Variants in GAS7 observed in about 807,000 individuals in gnomAD.
GAS7 encodes the protein growth arrest specific 7.
A neutral mutation model predicts 71.1 loss-of-function variants in GAS7; 28 were observed. The ratio of observed to expected loss-of-function variants is 0.39; its 90% CI spans 0.29 to 0.54. GAS7 has a LOEUF of 0.54. GAS7 is among the 20% of genes least tolerant of loss of function. GAS7 has a pLI of 0.62. For missense variants in GAS7, 436 were observed against 627.8 expected (o/e 0.69, Z 3.27); for synonymous variants, 258 against 245.8 (o/e 1.05, Z -0.46).
At chr17:10,027,801 C>T (rs1427665317) in intron 1 of GAS7, among the ~76,000 whole-genome samples, 1 of 152,190 alleles carries the variant, frequency 6.6e-6, no homozygotes, top group African/African-American at 2.4e-5. Context: ...AGGAGGTTTG[C>T]TTGAGGCCAG....
At chr17:10,187,506 C>A (rs552027702) in intron 1 of GAS7, among the ~76,000 whole-genome samples, 4 of 152,184 alleles carry the variant, frequency 2.6e-5, no homozygotes, top group Non-Finnish European at 5.9e-5. Flanking sequence ...CTCAGTTACT[C>A]GCTTTGCTCA....
intron 2 of GAS7, among the ~76,000 whole-genome samples, chr17:9,992,864 T>C (rs1176776512): frequency 1.3e-5 from 2 of 151,590 alleles, no homozygotes; most frequent in African/African-American, 4.9e-5. Context: ...GTTTGGTTTT[T>C]TGTCCTTGCG....
chr17:9,940,856 T>C (rs1180927113), intron 7 of GAS7, among the ~76,000 whole-genome samples: 1 of 152,230 alleles, frequency 6.6e-6, no homozygotes, highest in Non-Finnish European at 1.5e-5. Flanking sequence ...CTGTATTATC[T>C]GGCACGTCCA....
At chr17:10,003,903 A>G (rs1001343291) in intron 2 of GAS7, among the ~76,000 whole-genome samples, 19 of 151,980 alleles carry the variant, frequency 1.3e-4, no homozygotes, top group African/African-American at 4.6e-4. Flanking sequence ...TTGGAATCCA[A>G]CTCAGAATGA....
chr17:9,991,670 AG>A (rs5819259), intron 2 of GAS7, among the ~76,000 whole-genome samples: 1,569 of 152,250 alleles, frequency 0.01, 27 homozygotes, highest in African/African-American at 0.036. Context: ...CTGATCTACC[AG>A]CCTCCTTACA....
chr17:9,919,494 A>T lies in GAS7; in HGVS notation c.1218+132T>A. On this transcript the variant is annotated intron_variant, in intron 12 of 13. Transcript: ENST00000432992. This position sits in a 1 kb window ranked among gnomAD's most constrained non-coding sequence, Gnocchi z 5.0. ...TGGCTCACATTGAGGTTTCGACCCCAACACTGAAGTAGATTTGATGACCAT... is the reference window on the plus strand; with the variant it reads ...TGGCTCACATTGAGGTTTCGACCCCTACACTGAAGTAGATTTGATGACCAT... The T allele has an allele frequency of 1.3e-6, 1 of 755,672 alleles. No homozygotes were observed. The allele number at this position is 755,672 out of a possible 1,614,324, so 46.8% of individuals were successfully genotyped here.
intron 1 of GAS7, among the ~76,000 whole-genome samples, chr17:10,078,506 T>C (rs1049023936): frequency 6.6e-6 from 1 of 152,220 alleles, no homozygotes; most frequent in Non-Finnish European, 1.5e-5. Context: ...CTTGTTGTTG[T>C]TCCACCAAAG....
At chr17:10,155,066 G>C (rs2074195125) in intron 1 of GAS7, among the ~76,000 whole-genome samples, 1 of 151,614 alleles carries the variant, frequency 6.6e-6, no homozygotes, top group Admixed American at 6.6e-5. Context: ...CCAGTCTGGA[G>C]TGCAGTGGCA....
In GAS7 at chr17:10,066,432, G is replaced by A. The variant is rs928273390; in HGVS notation, c.184-46535C>T. ...CGACCTCAGGTGATCCGCCCGCCTC[G>A]GCCTTTCAAAGAGCTGGGATTACAG... On this transcript the variant is annotated intron_variant, in intron 1 of 13. Coordinates refer to ENST00000432992, the MANE Select transcript of GAS7 (RefSeq NM_201433.2). 7.2e-5 allele frequency among the ~76,000 whole-genome samples: 11 copies of A among 152,122 alleles called. No homozygotes were observed. The East Asian group carries it at 7.7e-4, about 11-fold the overall frequency.
rs1029754517 is a variant in GAS7 at position 9,926,580 on chromosome 17, C to G, written c.1014+61G>C. On this transcript the variant is annotated intron_variant, in intron 10 of 13. Transcript: ENST00000432992. The surrounding 1 kb of genome is among the most constrained non-coding windows in gnomAD (Gnocchi z 5.0). ...ATGGAGCCACTGCTGGCTTCCCAGT[C>G]CCCCTTCTTCCAGGCAGTCCCCCAT... 6.4e-7 allele frequency: 1 copy of G among 1,573,018 alleles called. No homozygotes were observed. The highest frequency in any genetic ancestry group is 8.7e-7 in the Non-Finnish European group (1 of 1,150,456).
chr17:10,165,719 G>T (rs1359853810), intron 1 of GAS7, among the ~76,000 whole-genome samples: 1 of 152,156 alleles, frequency 6.6e-6, no homozygotes, highest in Non-Finnish European at 1.5e-5. Context: ...CCTATATAGA[G>T]GCTCCCCTAC....
intron 1 of GAS7, among the ~76,000 whole-genome samples, chr17:10,190,515 G>C (rs1429032661): frequency 6.6e-6 from 1 of 151,750 alleles, no homozygotes; most frequent in Non-Finnish European, 1.5e-5. Context: ...AGGAGGTGGA[G>C]GTTGCAGTGA....
At chr17:10,096,288 C>T (rs968106453) in intron 1 of GAS7, among the ~76,000 whole-genome samples, 2 of 152,158 alleles carry the variant, frequency 1.3e-5, no homozygotes, top group Non-Finnish European at 2.9e-5. Context: ...TATCAAATTC[C>T]CTACAGTCAA....
chr17:10,040,433 G>A (rs1220072355), intron 1 of GAS7, among the ~76,000 whole-genome samples: 1 of 152,190 alleles, frequency 6.6e-6, no homozygotes, highest in Non-Finnish European at 1.5e-5. Flanking sequence ...CTATAAAGGA[G>A]AAGAAACCAT....
intron 1 of GAS7, among the ~76,000 whole-genome samples, chr17:10,168,080 T>C (rs1004376412): frequency 2.6e-5 from 4 of 152,198 alleles, no homozygotes; most frequent in African/African-American, 7.2e-5. Context: ...TCCAAGCAGC[T>C]GGGATTACAG....
At chr17:9,997,700 G>A (rs532699683) in intron 2 of GAS7, among the ~76,000 whole-genome samples, 2 of 152,308 alleles carry the variant, frequency 1.3e-5, no homozygotes, top group South Asian at 4.1e-4. Context: ...CAAGCAGCAG[G>A]TTGTCACCTA....
At chr17:10,029,860 A>C (rs1021000503) in intron 1 of GAS7, among the ~76,000 whole-genome samples, 3 of 151,832 alleles carry the variant, frequency 2.0e-5, no homozygotes, top group Non-Finnish European at 2.9e-5. Context: ...TCAAAAAAAA[A>C]ACAATAATAA....
chr17:10,049,451 T>C (rs563009939), intron 1 of GAS7, among the ~76,000 whole-genome samples: 54 of 152,212 alleles, frequency 3.5e-4, no homozygotes, highest in African/African-American at 1.3e-3. Context: ...AATGAAGTAC[T>C]AAAGAAAGAC....
At chr17:9,934,880 C>A (rs780699225) in intron 8 of GAS7, among the ~76,000 whole-genome samples, 1 of 152,156 alleles carries the variant, frequency 6.6e-6, no homozygotes, top group Non-Finnish European at 1.5e-5. Context: ...GGATTACAGG[C>A]GTGTGCCACC....
Sources: gnomAD v4.1 joint callset for allele counts (sites outside exome capture counted in the v4.1 genomes callset) on GRCh38, gnomAD v4.1.1 for gene constraint, Gnocchi (gnomAD v3.1) non-coding constraint, MANE v1.5 for transcripts, NCBI Gene and HGNC (gene_info 2026-07-23, HGNC 2026-07-21) for gene names.